TAOK3: variants seen among roughly 807,000 people sequenced by gnomAD.
The protein encoded by TAOK3 is serine/threonine-protein kinase TAO3.
Under a neutral mutation model 120.4 loss-of-function variants are expected in TAOK3, and 40 were observed. The ratio of observed to expected loss-of-function variants is 0.33; its 90% CI spans 0.26 to 0.43. The LOEUF (loss-of-function observed/expected upper bound fraction) is 0.43. Ranked by LOEUF, TAOK3 falls within the 20% of genes least tolerant of loss-of-function variation. The pLI, the probability that TAOK3 is intolerant of heterozygous loss-of-function variation, is 1.00. For missense variants in TAOK3, 821 were observed against 1,112.1 expected (o/e 0.74, Z 3.72); for synonymous variants, 355 against 387.5 (o/e 0.92, Z 0.99).
At chr12:118,159,312 CTTT>C (rs35332392) in intron 19 of TAOK3, among the ~76,000 whole-genome samples, 10 of 132,094 alleles carry the variant, frequency 7.6e-5, no homozygotes, top group African/African-American at 5.5e-5. Flanking sequence ...AAATCACTCA[CTTT>C]TTTTTTTTTT....
chr12:118,255,305 G>A (rs2040932840), intron 3 of TAOK3, 143 bp downstream of exon 3: 1 of 705,988 alleles, frequency 1.4e-6, no homozygotes, highest in East Asian at 2.8e-5. Context: ...TAGAGACAGG[G>A]TCTTGCTATG....
chr12:118,222,622 A>C (rs933083306), intron 9 of TAOK3, among the ~76,000 whole-genome samples: 14 of 152,214 alleles, frequency 9.2e-5, no homozygotes, highest in African/African-American at 2.4e-4. Flanking sequence ...TGTCTTTCTC[A>C]GTAACTTGAA....
intron 9 of TAOK3, among the ~76,000 whole-genome samples, chr12:118,217,831 A>G (rs1186290729): frequency 0.084 from 7,810 of 93,352 alleles, 1,022 homozygotes; most frequent in Non-Finnish European, 0.12. Flanking sequence ...ATATATATAT[A>G]TATATATATA....
chr12:118,185,826 G>T (rs2037038648), intron 14 of TAOK3, among the ~76,000 whole-genome samples: 1 of 152,116 alleles, frequency 6.6e-6, no homozygotes, highest in South Asian at 2.1e-4. Context: ...GACCATATGG[G>T]TTGGGCATGT....
chr12:118,172,399 C>T, intron 17 of TAOK3, 58 bp downstream of exon 17: 1 of 1,555,712 alleles, frequency 6.4e-7, no homozygotes, highest in Non-Finnish European at 8.9e-7. Context: ...TGGTCACAAG[C>T]CTCACATAGC....
Position 118,232,646 on chromosome 12 carries a change from C to A in TAOK3, c.643+1028G>T, listed in dbSNP as rs921831630. 3.9e-5 allele frequency among the ~76,000 whole-genome samples: 6 copies of A among 152,288 alleles called. No individual in the cohort carries two copies. In the East Asian group the frequency reaches 1.2e-3, roughly 29 times the overall value. The stretch of plus-strand genomic sequence containing the variant: ...TGAGACTGGGTGTGGTGTCTCACAT[C>A]TATAATCCCAGTGCTTTGGGACCTC... On this transcript the variant is annotated intron_variant, in intron 9 of 20. Coordinates refer to ENST00000392533, the MANE Select transcript of TAOK3 (RefSeq NM_016281.4).
intron 1 of TAOK3, among the ~76,000 whole-genome samples, chr12:118,300,756 T>C (rs1242237420): frequency 6.6e-6 from 1 of 152,074 alleles, no homozygotes; most frequent in African/African-American, 2.4e-5. Context: ...ACCTTCCTTT[T>C]TGATTTTTTT....
chr12:118,278,181 G>A (rs558378905), intron 1 of TAOK3, among the ~76,000 whole-genome samples: 1 of 152,100 alleles, frequency 6.6e-6, no homozygotes, highest in Admixed American at 6.5e-5. Context: ...GGGTACATGT[G>A]CAGGTTTGTT....
At chr12:118,242,728 C>G (rs2040306463) in intron 5 of TAOK3, among the ~76,000 whole-genome samples, 1 of 151,986 alleles carries the variant, frequency 6.6e-6, no homozygotes, top group Admixed American at 6.6e-5. Flanking sequence ...GGTGTGGTGG[C>G]ATGTGCCTGT....
intron 17 of TAOK3, among the ~76,000 whole-genome samples, chr12:118,169,746 A>C (rs958523816): frequency 1.3e-5 from 2 of 150,972 alleles, no homozygotes; most frequent in African/African-American, 4.9e-5. Context: ...TTTGAGACGG[A>C]GTCTCCCTCT....
chr12:118,152,254 A>G lies in TAOK3; in HGVS notation c.2508T>C (p.Ser836=). 6.2e-7 allele frequency: 1 copy of G among 1,614,126 alleles called. No homozygotes were observed. Among genetic ancestry groups the G allele is most frequent in the East Asian group, 2.2e-5 (1 of 44,880 alleles). ...RELQKLEQRV[S]LRRAHLEQKI... is the part of the protein sequence containing the mutation. ...TCTGCTCAAGGTGTGCTCTGCGCAG[A>G]GACACTCTCTGCTCTAGCTTCTGGA... The change falls in exon 20 of 21, where the codon TCT becomes TCC. Residue 836 remains serine, a synonymous_variant. Transcript: ENST00000392533.
At position 118,161,610 on chromosome 12, in the gene TAOK3, C is replaced by G. The variant is rs2035222858; in HGVS notation, c.2139+178G>C. 1.3e-5 allele frequency among the ~76,000 whole-genome samples: 2 copies of G among 152,182 alleles called. No homozygotes were observed. The highest frequency in any genetic ancestry group is 4.1e-4 in the South Asian group (2 of 4,828). ...ATAATAGTTTCCAAACCAGCTTGCC[C>G]AACATCTCCTTTTCAGGAGCTTAAA... On this transcript the variant is annotated intron_variant, in intron 18 of 20. Coordinates refer to ENST00000392533, the MANE Select transcript of TAOK3 (RefSeq NM_016281.4). The surrounding 1 kb of genome is among the most constrained non-coding windows in gnomAD (Gnocchi z 4.5).
chr12:118,241,939 C>T (rs56033674), intron 5 of TAOK3, among the ~76,000 whole-genome samples: 18,420 of 151,868 alleles, frequency 0.12, 1,200 homozygotes, highest in Middle Eastern at 0.15. Flanking sequence ...GGAGAAACCC[C>T]GTCTCTACTA....
intron 14 of TAOK3, among the ~76,000 whole-genome samples, chr12:118,188,078 G>C (rs2037183177): frequency 6.6e-6 from 1 of 152,060 alleles, no homozygotes; most frequent in African/African-American, 2.4e-5. Flanking sequence ...TGGGAATGAG[G>C]GTGTGGCAAG....
chr12:118,317,376 A>G (rs1162642559), intron 1 of TAOK3, among the ~76,000 whole-genome samples: 1 of 145,008 alleles, frequency 6.9e-6, no homozygotes, highest in Admixed American at 7.1e-5. Context: ...TTGGCTCACT[A>G]CAAGCTCCGC....
intron 1 of TAOK3, among the ~76,000 whole-genome samples, chr12:118,314,297 C>T (rs2043370548): frequency 1.3e-5 from 2 of 151,916 alleles, no homozygotes; most frequent in East Asian, 1.9e-4. Flanking sequence ...AGGGTTTGTC[C>T]CTAAAGCAAA....
At chr12:118,253,340 A>C (rs762886573) in intron 3 of TAOK3, among the ~76,000 whole-genome samples, 4 of 152,210 alleles carry the variant, frequency 2.6e-5, no homozygotes, top group Non-Finnish European at 4.4e-5. Flanking sequence ...ATTACAAAGA[A>C]ATTATTTGAT....
chr12:118,349,050 C>T (rs1392232567), intron 1 of TAOK3, among the ~76,000 whole-genome samples: 3 of 151,764 alleles, frequency 2.0e-5, no homozygotes, highest in Admixed American at 6.6e-5. Context: ...CACCACCACA[C>T]CCAGCTAATT....
rs34923071 is a variant in TAOK3, at chr12:118,225,246, C to CAA, written c.643+8426_643+8427dup. Among the ~76,000 whole-genome samples the CAA allele has an allele frequency of 5.8e-3, 436 of 74,982 alleles. 12 individuals carry two copies. Among genetic ancestry groups the CAA allele is most frequent in the Middle Eastern group, 0.016 (2 of 128 alleles). The allele number at this position is 74,982 out of a possible 152,430, so 49.2% of individuals were successfully genotyped here. A position where few individuals can be genotyped will look rare whatever the true frequency, so the allele number is the denominator to read the frequency against. Reference sequence around the variant, plus strand: ...CTGGGTGACAAGTGCGAGACTGTCTCAAAAAAAAAAAAAAAAAAAAAAGAT... The same window carrying CAA: ...CTGGGTGACAAGTGCGAGACTGTCTCAAAAAAAAAAAAAAAAAAAAAAAAGAT... On this transcript the variant is annotated intron_variant, in intron 9 of 20. Coordinates refer to ENST00000392533, the MANE Select transcript of TAOK3 (RefSeq NM_016281.4).
Sources: allele counts gnomAD v4.1 joint callset (sites outside exome capture counted in the v4.1 genomes callset), GRCh38; gene constraint gnomAD v4.1.1; non-coding constraint Gnocchi (gnomAD v3.1); transcripts MANE v1.5; gene names NCBI Gene and HGNC (gene_info 2026-07-23, HGNC 2026-07-21).